ARK2C: variants seen among roughly 807,000 people sequenced by gnomAD.
ARK2C encodes arkadia (RNF111) C-terminal like ring finger ubiquitin ligase 2C.
chr18:46,398,246 CGGA>C, the ARK2C span, among the ~76,000 whole-genome samples: 1 of 147,194 alleles, frequency 6.8e-6, no homozygotes, highest in African/African-American at 2.5e-5. Flanking sequence ...TGGGGTCATG[CGGA>C]GGTGTGAGGG....
the ARK2C span, among the ~76,000 whole-genome samples, chr18:46,341,269 T>C: frequency 6.7e-6 from 1 of 149,578 alleles, no homozygotes; most frequent in African/African-American, 2.5e-5. Context: ...TTTAAACAGT[T>C]TATTCTGCAG....
the ARK2C span, chr18:46,334,166 C>G: frequency 1.7e-6 from 1 of 583,498 alleles, no homozygotes; most frequent in Non-Finnish European, 2.1e-6. The surrounding 1 kb of genome is among the most constrained non-coding windows in gnomAD (Gnocchi z 4.4). Context: ...CTCCGCCTCC[C>G]GCCCCGGCGG....
chr18:46,404,140 T>C, the ARK2C span, among the ~76,000 whole-genome samples: 1 of 152,214 alleles, frequency 6.6e-6, no homozygotes, highest in Non-Finnish European at 1.5e-5. Flanking sequence ...AATTTAAATA[T>C]GATTTACGGT....
chr18:46,431,068 G>C, the ARK2C span, among the ~76,000 whole-genome samples: 13 of 152,062 alleles, frequency 8.5e-5, no homozygotes, highest in East Asian at 2.3e-3. Flanking sequence ...GACAGGCCCC[G>C]GTGTGTGATG....
the ARK2C span, among the ~76,000 whole-genome samples, chr18:46,375,989 G>C: frequency 6.6e-6 from 1 of 152,242 alleles, no homozygotes; most frequent in Non-Finnish European, 1.5e-5. Context: ...CGAAGTGGAT[G>C]ATAATAGCTC....
At chr18:46,363,701 C>T in the ARK2C span, among the ~76,000 whole-genome samples, 2 of 152,134 alleles carry the variant, frequency 1.3e-5, no homozygotes, top group Non-Finnish European at 2.9e-5. Context: ...CTAAGATTCT[C>T]ACCGTTATAA....
At chr18:46,368,555 G>C in the ARK2C span, among the ~76,000 whole-genome samples, 1 of 152,238 alleles carries the variant, frequency 6.6e-6, no homozygotes, top group Non-Finnish European at 1.5e-5. Flanking sequence ...GGTCATTTAG[G>C]GAAAGCCAGT....
At chr18:46,380,883 C>A in the ARK2C span, among the ~76,000 whole-genome samples, 1 of 152,320 alleles carries the variant, frequency 6.6e-6, no homozygotes, top group African/African-American at 2.4e-5. Flanking sequence ...CTCAGCACTG[C>A]AGTGGAGAAG....
chr18:46,351,788 C>T, the ARK2C span, among the ~76,000 whole-genome samples: 1 of 152,184 alleles, frequency 6.6e-6, no homozygotes, highest in African/African-American at 2.4e-5. Context: ...TTTCCATGAC[C>T]TGAGGCAGTG....
At chr18:46,399,345 T>A in the ARK2C span, among the ~76,000 whole-genome samples, 4 of 152,178 alleles carry the variant, frequency 2.6e-5, no homozygotes, top group Non-Finnish European at 5.9e-5. Context: ...CATCAAAGGA[T>A]GCTGGGGTGC....
the ARK2C span, among the ~76,000 whole-genome samples, chr18:46,394,269 G>A: frequency 1.3e-5 from 2 of 152,216 alleles, no homozygotes; most frequent in South Asian, 2.1e-4. Context: ...GGGCAAAAGC[G>A]AGAGCCCTGG....
the ARK2C span, among the ~76,000 whole-genome samples, chr18:46,441,615 G>T: frequency 6.6e-6 from 1 of 152,152 alleles, no homozygotes; most frequent in Admixed American, 6.5e-5. Context: ...CAGGCCAGGC[G>T]CGGTGGCTCA....
chr18:46,336,827 C>T, the ARK2C span: 5 of 985,144 alleles, frequency 5.1e-6, no homozygotes, highest in Non-Finnish European at 6.0e-6. Context: ...TTGGCAGCAC[C>T]CAGGCATAAC....
chr18:46,391,556 T>A, the ARK2C span, among the ~76,000 whole-genome samples: 1 of 152,048 alleles, frequency 6.6e-6, no homozygotes, highest in Non-Finnish European at 1.5e-5. Flanking sequence ...CTGAGGCCTC[T>A]ATGGGGCAGG....
the ARK2C span, among the ~76,000 whole-genome samples, chr18:46,398,062 G>C: frequency 5.0e-4 from 74 of 149,230 alleles, 3 homozygotes; most frequent in South Asian, 0.012. Context: ...TGTGGTGTGT[G>C]TGTGTGGTCA....
At chr18:46,360,348 G>C in the ARK2C span, among the ~76,000 whole-genome samples, 1 of 152,326 alleles carries the variant, frequency 6.6e-6, no homozygotes, top group Non-Finnish European at 1.5e-5. Flanking sequence ...CCCTGCAACA[G>C]TGCAGGTGCT....
At chr18:46,413,944 A>G in the ARK2C span, among the ~76,000 whole-genome samples, 1 of 152,152 alleles carries the variant, frequency 6.6e-6, no homozygotes, top group Non-Finnish European at 1.5e-5. Flanking sequence ...ACTGTAATCT[A>G]AACCACATAA....
At chr18:46,375,180 G>T in the ARK2C span, among the ~76,000 whole-genome samples, 45 of 152,120 alleles carry the variant, frequency 3.0e-4, no homozygotes, top group Admixed American at 2.9e-3. Flanking sequence ...CTTCCAGGCC[G>T]CCCTGGCCGC....
the ARK2C span, among the ~76,000 whole-genome samples, chr18:46,347,521 G>T: frequency 2.6e-5 from 4 of 152,318 alleles, no homozygotes; most frequent in South Asian, 6.2e-4. Context: ...TCTGAAGCGG[G>T]CAACCCTCTT....
Sources: allele counts gnomAD v4.1 joint callset (sites outside exome capture counted in the v4.1 genomes callset), GRCh38; gene constraint gnomAD v4.1.1; non-coding constraint Gnocchi (gnomAD v3.1); transcripts MANE v1.5; gene names NCBI Gene and HGNC (gene_info 2026-07-23, HGNC 2026-07-21).